ARTN: variants seen among roughly 807,000 people sequenced by gnomAD.
The protein encoded by ARTN is artemin.
A neutral mutation model predicts 15.4 loss-of-function variants in ARTN; 9 were observed. That is an observed-to-expected ratio of 0.58 (90% CI 0.35 to 1.02). The LOEUF (loss-of-function observed/expected upper bound fraction) is 1.02, where lower values mean the gene tolerates loss of function less well. ARTN is among the 50% of genes least tolerant of loss of function. ARTN has a pLI of 0.02. For missense variants in ARTN, 284 were observed against 327.9 expected (o/e 0.87, Z 1.03); for synonymous variants, 163 against 155.8 (o/e 1.05, Z -0.35).
At chr1:43,935,976 G>C in intron 3 of ARTN, 117 bp from the exon 4 acceptor site, 1 of 1,404,466 alleles carries the variant, frequency 7.1e-7, no homozygotes, top group East Asian at 2.3e-5. Context: ...ACACAGCTAG[G>C]AGCCCATGCC....
rs974613410 is a variant in ARTN, at chr1:43,935,600, A to G, written c.-57A>G. The G allele has an allele frequency of 6.4e-7, 1 of 1,573,090 alleles. No individual in the cohort carries two copies. The highest frequency in any genetic ancestry group is 8.7e-7 in the Non-Finnish European group (1 of 1,153,546). On this transcript the variant is annotated 5_prime_UTR_variant, in exon 3 of 5. Coordinates refer to ENST00000372359, the MANE Select transcript of ARTN (RefSeq NM_057091.3). ...CTCTTAATTTGCAAGCTGCCTCAAC[A>G]GGAGGGTGGGGGAACAGCTCAACAA...
intron 3 of ARTN, 86 bp downstream of exon 3, chr1:43,935,802 C>T (rs1361188614): frequency 1.8e-5 from 25 of 1,355,078 alleles, no homozygotes; most frequent in Middle Eastern, 1.8e-4. Flanking sequence ...GCTTGGGCAG[C>T]GGTTAGGTGT....
In ARTN at chr1:43,936,828, C is replaced by T. The variant is rs1220256818; in HGVS notation, c.*63C>T. 7.4e-6 allele frequency: 10 copies of T among 1,352,506 alleles called. No homozygotes were observed. The highest frequency in any genetic ancestry group is 9.6e-6 in the Non-Finnish European group (10 of 1,045,868). The allele number at this position is 1,352,506 out of a possible 1,614,324, so 83.8% of individuals were successfully genotyped here. A position where few individuals can be genotyped will look rare whatever the true frequency, so the allele number is the denominator to read the frequency against. The stretch of plus-strand genomic sequence containing the variant: ...GGTGGCTCTTCCTGCCTGGGACCCT[C>T]CCGCAGAGTCCCACTAGCCAGCGGC... On this transcript the variant is annotated 3_prime_UTR_variant, in exon 5 of 5. Coordinates refer to ENST00000372359, the MANE Select transcript of ARTN (RefSeq NM_057091.3). The surrounding 1 kb of genome is among the most constrained non-coding windows in gnomAD (Gnocchi z 6.6).
In ARTN at chr1:43,937,091, C is replaced by T. The variant is rs373315371; in HGVS notation, c.*326C>T. ...CCTCCTCTGATGAACACTACAGTGG[C>T]TGAGGCATCAGCCCCCGCCCAGGCC... On this transcript the variant is annotated 3_prime_UTR_variant, in exon 5 of 5. Coordinates refer to ENST00000372359, the MANE Select transcript of ARTN (RefSeq NM_057091.3). 4.7e-3 allele frequency: 1,214 copies of T among 258,828 alleles called. 6 individuals are homozygous for T. Among genetic ancestry groups the T allele is most frequent in the Non-Finnish European group, 7.1e-3 (971 of 137,154 alleles). The allele number at this position is 258,828 out of a possible 1,614,324, so 16.0% of individuals were successfully genotyped here.
chr1:43,935,256 C>T, intron 2 of ARTN: 1 of 220,318 alleles, frequency 4.5e-6, no homozygotes. Flanking sequence ...CTCCTTCCAG[C>T]CACTTCTGGC....
chr1:43,936,771 C>T lies in ARTN; in HGVS notation c.*6C>T, dbSNP rs745323674. 3.8e-5 allele frequency: 55 copies of T among 1,458,878 alleles called. No individual in the cohort carries two copies. In the Admixed American group the frequency reaches 1.2e-3, roughly 31 times the overall value. 90.4% of individuals were successfully genotyped at this position (1,458,878 alleles called of 1,614,324 possible). On this transcript the variant is annotated 3_prime_UTR_variant, in exon 5 of 5. Transcript: ENST00000372359. This position sits in a 1 kb window ranked among gnomAD's most constrained non-coding sequence, Gnocchi z 6.6. ...CCTGCGGCTGCCTGGGCTGAGGGCT[C>T]GCTCCAGGGCTTTGCAGACTGGACC...
chr1:43,935,339 A>AC (rs1224982900), intron 2 of ARTN: 1 of 353,486 alleles, frequency 2.8e-6, no homozygotes, highest in Non-Finnish European at 5.1e-6. Context: ...CAGCTGTGTG[A>AC]CCTTGTAACC....
rs759929402 is a variant in ARTN, at chr1:43,936,139, T to C, written c.107T>C (p.Val36Ala). Residue 36 changes from valine to alanine, a missense_variant, in exon 4 of 5, where the codon GTC becomes GCC. Physicochemically the swap from Val to Ala is moderately conservative, Grantham distance 64. Transcript: ENST00000372359. The surrounding 1 kb of genome is among the most constrained non-coding windows in gnomAD (Gnocchi z 6.6). ...GCCGCTCTGGCTCTGCTGAGCAGCG[T>C]CGCAGAGGCCTCCCTGGGCTCCGCG... ...TLAALALLSS[V>A]AEASLGSAPR... 1.1e-5 allele frequency: 18 copies of C among 1,600,476 alleles called. No individual in the cohort carries two copies. In the Admixed American group the frequency reaches 3.0e-4, roughly 27 times the overall value.
At chr1:43,934,517 C>T (rs1048556961) in intron 2 of ARTN, 4 of 152,360 alleles carry the variant, frequency 2.6e-5, no homozygotes, top group African/African-American at 4.8e-5. Context: ...CCCGGGAAGG[C>T]CTGGGGGTCT....
chr1:43,935,703 G>A lies in ARTN; in HGVS notation c.47G>A (p.Trp16Ter). The A allele has an allele frequency of 6.2e-7, 1 of 1,612,626 alleles. No homozygotes were observed. The highest frequency in any genetic ancestry group is 8.5e-7 in the Non-Finnish European group (1 of 1,179,372). The change falls in exon 3 of 5, where the codon TGG (tryptophan) becomes TAG (stop). Residue 16 changes from tryptophan (W) to a stop codon, truncating the protein, a stop_gained. Transcript: ENST00000372359. LOFTEE classifies it high-confidence loss of function. ...GGLSTLSHCP[W>*]PRQQPALWPT... ...CTCTCCACGCTGTCCCACTGCCCCT[G>A]GCCTAGGCAGCAGGTGAGTGGTTCT... is the stretch of plus-strand genomic sequence containing the variant.
intron 2 of ARTN, chr1:43,935,284 G>T: frequency 3.9e-6 from 1 of 255,774 alleles, no homozygotes; most frequent in South Asian, 4.7e-5. Context: ...GACCTACAAC[G>T]CAGAGCAGGA....
chr1:43,936,565 C>T lies in ARTN; in HGVS notation c.463C>T (p.Arg155Cys). 1.3e-6 allele frequency: 2 copies of T among 1,554,578 alleles called. No individual in the cohort carries two copies. The highest frequency in any genetic ancestry group is 8.7e-7 in the Non-Finnish European group (1 of 1,155,172). ...TTTCCGCTTCTGCAGCGGCTCCTGCCGCCGCGCGCGCTCTCCACACGACCT... is the reference window on the plus strand; with the variant it reads ...TTTCCGCTTCTGCAGCGGCTCCTGCTGCCGCGCGCGCTCTCCACACGACCT... ...VRFRFCSGSCRRARSPHDLSL... is the reference protein window; with the variant it reads ...VRFRFCSGSCCRARSPHDLSL... Residue 155 changes from arginine to cysteine, a missense_variant, in exon 5 of 5, where the codon CGC becomes TGC. Transcript: ENST00000372359. This position sits in a 1 kb window ranked among gnomAD's most constrained non-coding sequence, Gnocchi z 6.6.
In ARTN at chr1:43,936,094, C is replaced by T. The variant is rs2085089434; in HGVS notation, c.62C>T (p.Pro21Leu). 1.2e-6 allele frequency: 2 copies of T among 1,612,076 alleles called. No individual in the cohort carries two copies. Among genetic ancestry groups the T allele is most frequent in the Non-Finnish European group, 1.7e-6 (2 of 1,179,946 alleles). The change falls in exon 4 of 5, where the codon CCT becomes CTT. Residue 21 changes from proline to leucine, a missense_variant and splice_region_variant. Transcript: ENST00000372359. This position sits in a 1 kb window ranked among gnomAD's most constrained non-coding sequence, Gnocchi z 6.6. ...LSHCPWPRQQ[P>L]ALWPTLAALA... The stretch of plus-strand genomic sequence containing the variant: ...GCTCCACTTGGTCTCTCCGCGCAGC[C>T]TGCCCTGTGGCCCACCCTGGCCGCT...
In ARTN at chr1:43,935,712, A is replaced by G. The variant is rs2242637; in HGVS notation, c.56A>G (p.Gln19Arg). The G allele has an allele frequency of 0.91, 1,458,800 of 1,610,402 alleles. 662,369 individuals are homozygous for G. Among genetic ancestry groups the G allele is most frequent in the Non-Finnish European group, 0.92 (1,089,478 of 1,178,492 alleles). ...STLSHCPWPR[Q>R]QPALWPTLAA... is the part of the protein sequence containing the mutation. ...CTGTCCCACTGCCCCTGGCCTAGGCAGCAGGTGAGTGGTTCTCCCAGTGAC... is the reference window on the plus strand; with the variant it reads ...CTGTCCCACTGCCCCTGGCCTAGGCGGCAGGTGAGTGGTTCTCCCAGTGAC... Residue 19 changes from glutamine to arginine, a missense_variant, in exon 3 of 5, where the codon CAG becomes CGG. By Grantham distance (43) the Gln-to-Arg change is conservative. Coordinates refer to ENST00000372359, the MANE Select transcript of ARTN (RefSeq NM_057091.3).
chr1:43,936,776 C>T lies in ARTN; in HGVS notation c.*11C>T. The T allele has an allele frequency of 6.9e-7, 1 of 1,450,212 alleles. No individual in the cohort carries two copies. Among genetic ancestry groups the T allele is most frequent in the Non-Finnish European group, 9.1e-7 (1 of 1,093,904 alleles). 89.8% of individuals were successfully genotyped at this position (1,450,212 alleles called of 1,614,324 possible). A position where few individuals can be genotyped will look rare whatever the true frequency, so the allele number is the denominator to read the frequency against. ...GGCTGCCTGGGCTGAGGGCTCGCTC[C>T]AGGGCTTTGCAGACTGGACCCTTAC... is the stretch of plus-strand genomic sequence containing the variant. On this transcript the variant is annotated 3_prime_UTR_variant, in exon 5 of 5. Transcript: ENST00000372359. The surrounding 1 kb of genome is among the most constrained non-coding windows in gnomAD (Gnocchi z 6.6).
chr1:43,935,441 T>C, intron 2 of ARTN, 149 bp from the exon 3 acceptor site: 1 of 562,972 alleles, frequency 1.8e-6, no homozygotes, highest in Non-Finnish European at 3.1e-6. Flanking sequence ...AAAGAATAGC[T>C]GCAAAGCACC....
rs752447756 is a variant in ARTN, at chr1:43,936,631, C to T, written c.529C>T (p.Pro177Ser). ...ACTGGGCGCCGGGGCCCTGCGACCG[C>T]CCCCGGGCTCCCGGCCCGTCAGCCA... The part of the protein sequence containing the change: ...SLLGAGALRP[P>S]PGSRPVSQPC... Residue 177 changes from proline (P) to serine (S), a missense_variant, in exon 5 of 5, where the codon CCC becomes TCC. By Grantham distance (74) the Pro-to-Ser change is moderately conservative (BLOSUM62 -1). Transcript: ENST00000372359. The surrounding 1 kb of genome is among the most constrained non-coding windows in gnomAD (Gnocchi z 6.6). The T allele has an allele frequency of 2.3e-5, 37 of 1,593,132 alleles. No homozygotes were observed. The South Asian group carries it at 4.1e-4, about 18-fold the overall frequency.
intron 3 of ARTN, 71 bp downstream of exon 3, chr1:43,935,787 G>T: frequency 1.4e-6 from 2 of 1,467,850 alleles, no homozygotes; most frequent in Admixed American, 2.1e-5. Context: ...GGAGAGCAGG[G>T]CTTGGCTTGG....
At chr1:43,934,339 G>A (rs1477656591) in intron 2 of ARTN, 79 bp downstream of exon 2, 1 of 152,774 alleles carries the variant, frequency 6.5e-6, no homozygotes, top group Non-Finnish European at 1.5e-5. Context: ...TAGGAGGCAG[G>A]GCCTGAGCTG....
Sources: allele counts gnomAD v4.1 joint callset, GRCh38; gene constraint gnomAD v4.1.1; non-coding constraint Gnocchi (gnomAD v3.1); transcripts MANE v1.5; gene names NCBI Gene and HGNC (gene_info 2026-07-23, HGNC 2026-07-21).